Variants in MAPK10 observed in about 807,000 individuals in gnomAD.
The protein encoded by MAPK10 is mitogen-activated protein kinase 10.
Under a neutral mutation model 59.3 loss-of-function variants are expected in MAPK10, and 25 were observed. The ratio of observed to expected loss-of-function variants is 0.42; its 90% CI spans 0.31 to 0.59. The LOEUF (loss-of-function observed/expected upper bound fraction) is 0.59. Among genes scored for constraint, MAPK10 ranks in the 20% least tolerant of loss-of-function variants. The pLI is 0.15. For synonymous variants in MAPK10, 190 were observed against 200.5 expected (o/e 0.95, Z 0.44); for missense variants, 351 against 568.9 (o/e 0.62, Z 3.90).
intron 2 of MAPK10, chr4:86,268,679 A>C (rs1583788752): frequency 6.6e-6 from 1 of 152,120 alleles, no homozygotes. Context: ...CTCTTTCCCC[A>C]GATTTTCATA....
chr4:86,371,835 A>C (rs756646059), intron 1 of MAPK10, among the ~76,000 whole-genome samples: 2 of 152,176 alleles, frequency 1.3e-5, no homozygotes, highest in Non-Finnish European at 2.9e-5. Flanking sequence ...AGAACATGCC[A>C]TGAGGAACGG....
At chr4:86,184,388 C>G (rs963464176) in intron 3 of MAPK10, among the ~76,000 whole-genome samples, 1 of 152,070 alleles carries the variant, frequency 6.6e-6, no homozygotes, top group Non-Finnish European at 1.5e-5. Flanking sequence ...GATATTTAAC[C>G]TAAAAATTCA....
intron 1 of MAPK10, among the ~76,000 whole-genome samples, chr4:86,565,290 A>G (rs1760981048): frequency 6.6e-6 from 1 of 152,232 alleles, no homozygotes; most frequent in African/African-American, 2.4e-5. Flanking sequence ...TCAAAAGAAT[A>G]AATCCATGTA....
At chr4:86,237,484 C>T (rs919566899) in intron 2 of MAPK10, among the ~76,000 whole-genome samples, 5 of 152,132 alleles carry the variant, frequency 3.3e-5, no homozygotes, top group Non-Finnish European at 5.9e-5. Context: ...AGTATAAAAG[C>T]GTTGCTATTT....
At chr4:86,328,896 C>T (rs116550751) in intron 2 of MAPK10, among the ~76,000 whole-genome samples, 2,786 of 152,070 alleles carry the variant, frequency 0.018, 38 homozygotes, top group Non-Finnish European at 0.027. Context: ...AAATACTTAA[C>T]GCACGAGGGG....
At chr4:86,250,885 CT>C (rs1403198399) in intron 2 of MAPK10, among the ~76,000 whole-genome samples, 1 of 152,126 alleles carries the variant, frequency 6.6e-6, no homozygotes, top group Non-Finnish European at 1.5e-5. Flanking sequence ...ATTATTTTTC[CT>C]CTGCAGCCAA....
chr4:86,344,301 G>A (rs114220427), intron 2 of MAPK10, among the ~76,000 whole-genome samples: 1,526 of 152,138 alleles, frequency 0.01, 14 homozygotes, highest in African/African-American at 0.027. Context: ...TAATTTTTTC[G>A]TAGAGTCAGT....
chr4:86,469,251 AAAAAC>A (rs1331395314), intron 1 of MAPK10, among the ~76,000 whole-genome samples: 1 of 152,198 alleles, frequency 6.6e-6, no homozygotes, highest in Non-Finnish European at 1.5e-5. Flanking sequence ...TTTGTCTCAA[AAAAAC>A]AAAACAAAAC....
chr4:86,511,733 G>C (rs192703119), intron 1 of MAPK10, among the ~76,000 whole-genome samples: 22 of 148,916 alleles, frequency 1.5e-4, no homozygotes, highest in Admixed American at 1.1e-3. Flanking sequence ...GAGCAGGAGG[G>C]GGAGCGAGAG....
At chr4:86,107,687 C>T (rs1480092176) in intron 4 of MAPK10, 2 of 995,128 alleles carry the variant, frequency 2.0e-6, no homozygotes, top group Non-Finnish European at 2.4e-6. Context: ...AGAAGTAAGA[C>T]AGGCATTCAA....
intron 1 of MAPK10, among the ~76,000 whole-genome samples, chr4:86,565,834 C>A (rs1761021737): frequency 6.6e-6 from 1 of 152,172 alleles, no homozygotes; most frequent in Non-Finnish European, 1.5e-5. Context: ...CTTCCTAACA[C>A]TGAAAATGTA....
At chr4:86,518,136 C>T (rs566830889) in intron 1 of MAPK10, among the ~76,000 whole-genome samples, 1 of 152,286 alleles carries the variant, frequency 6.6e-6, no homozygotes, top group African/African-American at 2.4e-5. Flanking sequence ...GATTTTCCTG[C>T]CTCAGCCAGC....
At chr4:86,214,133 T>C (rs1192603111) in intron 2 of MAPK10, among the ~76,000 whole-genome samples, 1 of 152,040 alleles carries the variant, frequency 6.6e-6, no homozygotes, top group African/African-American at 2.4e-5. Context: ...AAACATTATG[T>C]GATTATTTCA....
At position 86,576,153 on chromosome 4, in the gene MAPK10, A is replaced by C. The variant is rs528962412; in HGVS notation, c.-263+17757T>G. Among the ~76,000 whole-genome samples the C allele has an allele frequency of 2.6e-4, 39 of 152,118 alleles. No homozygotes were observed. The South Asian group carries it at 6.2e-3, about 24-fold the overall frequency. The stretch of plus-strand genomic sequence containing the variant: ...ATTAAAGGTACAAGCCATCATGCCC[A>C]GGTAATACTGTATGTTTTTAAAAGA... On this transcript the variant is annotated intron_variant, in intron 1 of 4. Transcript: ENST00000502302.
intron 2 of MAPK10, among the ~76,000 whole-genome samples, chr4:86,308,946 A>G (rs994737371): frequency 3.3e-5 from 5 of 152,222 alleles, no homozygotes; most frequent in Non-Finnish European, 7.3e-5. Context: ...ATGAGTTAAC[A>G]TATAAAAAGT....
chr4:86,407,369 G>A (rs368704036), intron 1 of MAPK10, among the ~76,000 whole-genome samples: 4 of 152,128 alleles, frequency 2.6e-5, no homozygotes, highest in African/African-American at 4.8e-5. Context: ...GTTCAGTCTC[G>A]AATGGAAAGA....
intron 9 of MAPK10, among the ~76,000 whole-genome samples, chr4:86,076,016 T>A (rs1040813422): frequency 2.6e-5 from 4 of 151,822 alleles, no homozygotes; most frequent in African/African-American, 9.7e-5. Flanking sequence ...TGCAGTTTGA[T>A]CTCAGACTGC....
chr4:86,503,134 A>G (rs1023929885), intron 1 of MAPK10, among the ~76,000 whole-genome samples: 1 of 152,132 alleles, frequency 6.6e-6, no homozygotes, highest in African/African-American at 2.4e-5. Context: ...TAAGGGTATC[A>G]TCTTTCCCAA....
At chr4:86,244,733 G>A (rs2092967611) in intron 2 of MAPK10, among the ~76,000 whole-genome samples, 1 of 152,202 alleles carries the variant, frequency 6.6e-6, no homozygotes, top group Non-Finnish European at 1.5e-5. Flanking sequence ...TGTTGGTAAG[G>A]CCATAAAATG....
Sources: gnomAD v4.1 joint callset for allele counts (sites outside exome capture counted in the v4.1 genomes callset) on GRCh38, gnomAD v4.1.1 for gene constraint, MANE v1.5 for transcripts, NCBI Gene and HGNC (gene_info 2026-07-23, HGNC 2026-07-21) for gene names.